Variants in STXBP4 observed in about 807,000 individuals in gnomAD.
The protein encoded by STXBP4 is syntaxin-binding protein 4.
A neutral mutation model predicts 76.1 loss-of-function variants in STXBP4; 55 were observed. The observed-to-expected ratio is 0.72, with a 90% CI of 0.58 to 0.91. STXBP4 has a LOEUF of 0.91. STXBP4 is among the 40% of genes least tolerant of loss of function. The probability of loss-of-function intolerance (pLI) is 0.00; values close to 1 mark genes in which losing one functional copy is unlikely to be tolerated. For missense variants in STXBP4, 618 were observed against 636.9 expected (o/e 0.97, Z 0.32); for synonymous variants, 201 against 220.2 (o/e 0.91, Z 0.77).
rs1276660450 is a variant in STXBP4, at chr17:55,082,214, C to T, written c.1489+1031C>T. ...AGATGCCTGCACCTAAACAGAGAATCACCACAAATGTGGCAACCATGAATG... is the reference window on the plus strand; with the variant it reads ...AGATGCCTGCACCTAAACAGAGAATTACCACAAATGTGGCAACCATGAATG... On this transcript the variant is annotated intron_variant, in intron 16 of 17. Transcript: ENST00000376352. 2.6e-5 allele frequency among the ~76,000 whole-genome samples: 4 copies of T among 152,142 alleles called. No homozygotes were observed. The South Asian group carries it at 6.2e-4, about 24-fold the overall frequency.
chr17:55,040,276 A>T (rs2078675443), intron 10 of STXBP4, among the ~76,000 whole-genome samples: 1 of 152,282 alleles, frequency 6.6e-6, no homozygotes, highest in East Asian at 1.9e-4. Flanking sequence ...CATTTTAGAA[A>T]TATGGGAGTG....
chr17:54,993,280 G>T (rs1392135428), intron 4 of STXBP4, among the ~76,000 whole-genome samples: 2 of 152,096 alleles, frequency 1.3e-5, no homozygotes, highest in Non-Finnish European at 1.5e-5. Context: ...CTTCCTACCT[G>T]GTCATATCTG....
chr17:55,099,143 C>A (rs2079532754), intron 16 of STXBP4, among the ~76,000 whole-genome samples: 1 of 152,092 alleles, frequency 6.6e-6, no homozygotes, highest in African/African-American at 2.4e-5. Context: ...GTGAGGAAAC[C>A]AGCATACTCA....
chr17:55,067,448 T>C (rs754103496), intron 12 of STXBP4, among the ~76,000 whole-genome samples: 9 of 152,198 alleles, frequency 5.9e-5, no homozygotes, highest in Non-Finnish European at 1.3e-4. Flanking sequence ...AGGATTAATG[T>C]GACCCAAAGT....
rs1465651522 is a variant in STXBP4 at position 55,160,109 on chromosome 17, A to C, written c.*198A>C. Reference sequence around the variant, plus strand: ...CATTTAAAAAATCAATTGCCACTACAGTAGTTCCTTAAGAATAATCTAGTT... The same window carrying C: ...CATTTAAAAAATCAATTGCCACTACCGTAGTTCCTTAAGAATAATCTAGTT... On this transcript the variant is annotated 3_prime_UTR_variant, in exon 18 of 18. Coordinates refer to ENST00000376352, the MANE Select transcript of STXBP4 (RefSeq NM_178509.6). 6 of 422,738 alleles carry C rather than the reference A, an allele frequency of 1.4e-5. No homozygotes were observed. The highest frequency in any genetic ancestry group is 2.5e-5 in the Non-Finnish European group (6 of 238,992). The allele number at this position is 422,738 out of a possible 1,614,324, so 26.2% of individuals were successfully genotyped here.
intron 8 of STXBP4, among the ~76,000 whole-genome samples, chr17:55,007,851 C>T (rs191409504): frequency 5.3e-5 from 8 of 152,140 alleles, no homozygotes; most frequent in East Asian, 1.9e-4. Flanking sequence ...GTTTTCTCCT[C>T]GGAGAATAAG....
intron 1 of STXBP4, among the ~76,000 whole-genome samples, chr17:54,977,047 G>A (rs899881974): frequency 2.0e-5 from 3 of 151,986 alleles, no homozygotes; most frequent in Admixed American, 6.6e-5. Flanking sequence ...CCTTGGCTGC[G>A]GCACCCAGTT....
At chr17:55,211,156 A>G in the STXBP4 span, among the ~76,000 whole-genome samples, 1 of 151,588 alleles carries the variant, frequency 6.6e-6, no homozygotes, top group Non-Finnish European at 1.5e-5. Context: ...CTGAGATCTC[A>G]CTCCACCCGC....
intron 3 of STXBP4, among the ~76,000 whole-genome samples, chr17:54,987,617 G>A (rs1030708905): frequency 6.6e-6 from 1 of 152,128 alleles, no homozygotes; most frequent in African/African-American, 2.4e-5. Flanking sequence ...TTATGGATGG[G>A]CAAACAATAC....
intron 4 of STXBP4, among the ~76,000 whole-genome samples, chr17:54,992,489 A>G (rs750061673): frequency 1.3e-5 from 2 of 151,918 alleles, no homozygotes; most frequent in African/African-American, 2.4e-5. Flanking sequence ...ATTATTAAAT[A>G]AATATTTAAA....
At chr17:55,001,854 G>C (rs1239418095) in intron 7 of STXBP4, among the ~76,000 whole-genome samples, 1 of 152,024 alleles carries the variant, frequency 6.6e-6, no homozygotes, top group Non-Finnish European at 1.5e-5. Context: ...GGATGGTCTC[G>C]ATCTCCTGAC....
In STXBP4 at chr17:55,141,325, G is replaced by A; in HGVS notation, c.1505G>A (p.Trp502Ter). The A allele has an allele frequency of 1.2e-6, 2 of 1,611,800 alleles. No homozygotes were observed. The highest frequency in any genetic ancestry group is 2.2e-5 in the South Asian group (2 of 90,618). Reference protein sequence around the residue: ...LLDMDCLPYGWEEAYTADGIK... With the variant: ...LLDMDCLPYG The stretch of plus-strand genomic sequence containing the variant: ...TTCACTGTAGGTTTACCTTATGGGT[G>A]GGAGGAAGCTTACACAGCAGATGGA... The change falls in exon 17 of 18, where the codon TGG becomes TAG. Residue 502 changes from tryptophan (W) to a stop codon, truncating the protein, a stop_gained. Transcript: ENST00000376352. LOFTEE classifies it high-confidence loss of function.
At chr17:55,035,473 C>T (rs2078584169) in intron 10 of STXBP4, among the ~76,000 whole-genome samples, 1 of 151,720 alleles carries the variant, frequency 6.6e-6, no homozygotes, top group South Asian at 2.1e-4. Context: ...GGAATCTTAT[C>T]CTGATAACAC....
the STXBP4 span, among the ~76,000 whole-genome samples, chr17:55,195,822 C>T: frequency 6.6e-6 from 1 of 151,906 alleles, no homozygotes; most frequent in Non-Finnish European, 1.5e-5. Flanking sequence ...CCCAGTGGTT[C>T]TCAACCAGCA....
intron 16 of STXBP4, among the ~76,000 whole-genome samples, chr17:55,136,471 A>G (rs996030941): frequency 1.3e-5 from 2 of 152,112 alleles, no homozygotes; most frequent in East Asian, 1.9e-4. Context: ...TTTAAAACCT[A>G]ACCACTTCCT....
chr17:55,039,814 G>A (rs1478377010), intron 10 of STXBP4, among the ~76,000 whole-genome samples: 1 of 152,048 alleles, frequency 6.6e-6, no homozygotes, highest in Non-Finnish European at 1.5e-5. Flanking sequence ...TAGAAATAGG[G>A]AAATAAGGAG....
rs1209618712 is a variant in STXBP4, at chr17:54,978,726, CTTG to C, written c.-156-6883_-156-6881del. Among the ~76,000 whole-genome samples, 5 of 151,952 alleles carry C rather than the reference CTTG, an allele frequency of 3.3e-5. No individual in the cohort carries two copies. In the East Asian group the frequency reaches 7.7e-4, roughly 23 times the overall value. On this transcript the variant is annotated intron_variant, in intron 1 of 17. Transcript: ENST00000376352. ...CAAATAATATATCAAAGTATATATC[CTTG>C]TTGTAAGCCATTCAAAAAATAAAGA...
intron 7 of STXBP4, among the ~76,000 whole-genome samples, chr17:55,003,411 C>T (rs1040674959): frequency 6.6e-6 from 1 of 152,116 alleles, no homozygotes; most frequent in African/African-American, 2.4e-5. Flanking sequence ...AACTCAGTCT[C>T]ATTTTCTTCT....
At chr17:55,063,505 C>T (rs1364103289) in intron 12 of STXBP4, among the ~76,000 whole-genome samples, 2 of 152,024 alleles carry the variant, frequency 1.3e-5, no homozygotes, top group African/African-American at 2.4e-5. Context: ...ATTTAGGGAC[C>T]ACATGTCATA....
Sources: gnomAD v4.1 joint callset for allele counts (sites outside exome capture counted in the v4.1 genomes callset) on GRCh38, gnomAD v4.1.1 for gene constraint, MANE v1.5 for transcripts, NCBI Gene and HGNC (gene_info 2026-07-23, HGNC 2026-07-21) for gene names.